The following CR1 variants were observed in gnomAD, a reference collection of about 807,000 sequenced individuals.
CR1 encodes the protein complement C3b/C4b receptor 1 (Knops blood group), also known as complement receptor type 1.
In CR1, 116 loss-of-function variants were observed where a neutral mutation model predicts 187.3. The ratio of observed to expected loss-of-function variants is 0.62; its 90% CI spans 0.53 to 0.72. The LOEUF is 0.72. Among genes scored for constraint, CR1 ranks in the 30% least tolerant of loss-of-function variants. The pLI, the probability that CR1 is intolerant of heterozygous loss-of-function variation, is 0.00. For missense variants in CR1, 1,731 were observed against 2,110.7 expected (o/e 0.82, Z 3.52); for synonymous variants, 576 against 747.1 (o/e 0.77, Z 3.73).
chr1:207,517,119 A>T (rs1659830383), intron 4 of CR1, among the ~76,000 whole-genome samples: 1 of 152,120 alleles, frequency 6.6e-6, no homozygotes, highest in African/African-American at 2.4e-5. Context: ...TGTTCTTTCT[A>T]ATTGATCACT....
At chr1:207,609,779 A>G in intron 37 of CR1, 91 bp downstream of exon 37, 1 of 1,325,138 alleles carries the variant, frequency 7.5e-7, no homozygotes, top group Non-Finnish European at 9.9e-7. Context: ...TATAAGGACT[A>G]TGAAATTGGC....
rs748732486 is a variant in CR1, at chr1:207,523,870, A to G, written c.747A>G (p.Val249=). 9 of 1,610,186 alleles carry G rather than the reference A, an allele frequency of 5.6e-6. No individual in the cohort carries two copies. In the Admixed American group the frequency reaches 6.7e-5, roughly 12 times the overall value. ...TPPNVENGIL[V]SDNRSLFSLN... ...CAAATGTGGAAAATGGAATATTGGT[A>G]TCTGACAACAGAAGCTTATTTTCCT... The change falls in exon 5 of 47, where the codon GTA becomes GTG. Residue 249 remains valine (V), a synonymous_variant. Transcript: ENST00000367049.
intron 43 of CR1, among the ~76,000 whole-genome samples, chr1:207,621,124 A>T (rs974815619): frequency 2.0e-5 from 3 of 152,170 alleles, no homozygotes; most frequent in African/African-American, 7.2e-5. Context: ...AAAATAAAAA[A>T]ATTAGCTGGT....
intron 35 of CR1, among the ~76,000 whole-genome samples, chr1:207,593,145 G>C (rs1212269614): frequency 1.4e-5 from 2 of 138,564 alleles, no homozygotes; most frequent in African/African-American, 2.8e-5. Flanking sequence ...AGCCCATATA[G>C]CCAAGACAAT....
intron 5 of CR1, 40 bp downstream of exon 5, chr1:207,524,049 A>G: frequency 6.2e-7 from 1 of 1,611,734 alleles, no homozygotes; most frequent in Non-Finnish European, 8.5e-7. Context: ...TGCCAGTGAC[A>G]TGCGTTGCTG....
At position 207,612,035 on chromosome 1, in the gene CR1, A is replaced by G; in HGVS notation, c.6569A>G (p.Asp2190Gly). The G allele has an allele frequency of 1.2e-6, 2 of 1,613,958 alleles. No homozygotes were observed. Among genetic ancestry groups the G allele is most frequent in the Middle Eastern group, 3.3e-4 (2 of 6,062 alleles). ...GGGGCAAAGGTGTCCTTTGTTTGCG[A>G]TGAAGGGTGAGTGTGACCCAGCGTT... ...QLGAKVSFVCDEGFRLKGRSA... is the reference protein window; with the variant it reads ...QLGAKVSFVCGEGFRLKGRSA... The change falls in exon 39 of 47, where the codon GAT (aspartate) becomes GGT (glycine). Residue 2190 changes from aspartate to glycine, a missense_variant. By Grantham distance (94) the Asp-to-Gly change is moderately conservative. Around this residue, in one of 5 missense-constraint regions of CR1, gnomAD observed 1,312 missense variants for 1,379.6 expected, o/e 0.95. Transcript: ENST00000367049.
At chr1:207,627,461 G>A (rs1662517304) in intron 45 of CR1, among the ~76,000 whole-genome samples, 3 of 152,196 alleles carry the variant, frequency 2.0e-5, no homozygotes, top group Non-Finnish European at 2.9e-5. Context: ...AATTTCTGCC[G>A]TAATTCTCTA....
intron 45 of CR1, among the ~76,000 whole-genome samples, chr1:207,623,989 G>C (rs1391043997): frequency 1.6e-5 from 2 of 123,236 alleles, no homozygotes; most frequent in Non-Finnish European, 3.1e-5. Flanking sequence ...GCAGTGGCAC[G>C]ATCTTGGCTC....
At chr1:207,514,231 T>C (rs1176269839) in intron 4 of CR1, among the ~76,000 whole-genome samples, 2 of 152,212 alleles carry the variant, frequency 1.3e-5, no homozygotes, top group South Asian at 2.1e-4. Flanking sequence ...ATGGCAAATA[T>C]GCTTTTATGA....
chr1:207,594,378 T>C (rs1661366599), intron 35 of CR1, among the ~76,000 whole-genome samples: 1 of 152,124 alleles, frequency 6.6e-6, no homozygotes, highest in Non-Finnish European at 1.5e-5. Context: ...CCGCATGTTC[T>C]CATTCCTAAG....
chr1:207,619,815 T>A, intron 42 of CR1, 65 bp from the exon 43 acceptor site: 2 of 1,436,912 alleles, frequency 1.4e-6, no homozygotes, highest in South Asian at 2.6e-5. Flanking sequence ...TTTCTCCTAT[T>A]CTCGCAGTTA....
intron 39 of CR1, among the ~76,000 whole-genome samples, chr1:207,612,659 C>A (rs1458510019): frequency 6.6e-6 from 1 of 152,246 alleles, no homozygotes; most frequent in Admixed American, 6.5e-5. Context: ...CACTGGGCGG[C>A]GTCTGGCTGG....
intron 4 of CR1, among the ~76,000 whole-genome samples, chr1:207,514,694 A>G (rs1202950148): frequency 6.6e-6 from 1 of 152,152 alleles, no homozygotes; most frequent in Non-Finnish European, 1.5e-5. Flanking sequence ...ATTCTAGAAC[A>G]CTTTCATCAT....
intron 35 of CR1, among the ~76,000 whole-genome samples, chr1:207,598,209 T>C (rs1228117906): frequency 2.0e-5 from 3 of 152,222 alleles, no homozygotes; most frequent in Admixed American, 6.5e-5. Context: ...CACTGAATTA[T>C]ACCCTTAAAA....
chr1:207,525,615 T>G (rs1472497349), intron 5 of CR1, among the ~76,000 whole-genome samples: 1 of 152,072 alleles, frequency 6.6e-6, no homozygotes, highest in Admixed American at 6.5e-5. Context: ...TTTAATTTGG[T>G]ATATATGCCT....
intron 45 of CR1, among the ~76,000 whole-genome samples, chr1:207,626,417 A>T (rs1378011717): frequency 6.6e-6 from 1 of 152,184 alleles, no homozygotes; most frequent in East Asian, 1.9e-4. Context: ...CATTGTGGCT[A>T]TGTGAGGAGG....
chr1:207,575,842 C>G (rs907229887), intron 28 of CR1, among the ~76,000 whole-genome samples, 162 bp downstream of exon 28: 3 of 152,116 alleles, frequency 2.0e-5, no homozygotes, highest in African/African-American at 7.2e-5. Context: ...TCCAAACTTC[C>G]GCCTTCACCT....
At chr1:207,513,415 A>C (rs1212173638) in intron 4 of CR1, among the ~76,000 whole-genome samples, 1 of 151,990 alleles carries the variant, frequency 6.6e-6, no homozygotes, top group Non-Finnish European at 1.5e-5. Flanking sequence ...AGGATGCTGA[A>C]ACTCCCCATG....
At chr1:207,567,550 T>A (rs1225067582) in intron 24 of CR1, among the ~76,000 whole-genome samples, 2 of 150,466 alleles carry the variant, frequency 1.3e-5, no homozygotes, top group Non-Finnish European at 2.9e-5. Flanking sequence ...ATGGTTATTT[T>A]TCTTCTTCAA....
Sources: allele counts gnomAD v4.1 joint callset (sites outside exome capture counted in the v4.1 genomes callset), GRCh38; gene constraint gnomAD v4.1.1; regional missense constraint gnomAD v4.1.1; transcripts MANE v1.5; gene names NCBI Gene and HGNC (gene_info 2026-07-23, HGNC 2026-07-21).